Variants in AGXT2 observed in about 807,000 individuals in gnomAD.
AGXT2 encodes alanine--glyoxylate aminotransferase 2.
A neutral mutation model predicts 62.5 loss-of-function variants in AGXT2; 61 were observed. The observed-to-expected ratio is 0.98, with a 90% confidence interval of 0.79 to 1.21. AGXT2 has a LOEUF of 1.21. Among genes scored for constraint, AGXT2 ranks in the 50% most tolerant of loss-of-function variants. The probability of loss-of-function intolerance (pLI) is 0.00; values close to 1 mark genes in which losing one functional copy is unlikely to be tolerated. For synonymous variants in AGXT2, 243 were observed against 218.7 expected (o/e 1.11, Z -0.98); for missense variants, 666 against 641.5 (o/e 1.04, Z -0.41).
rs149642495 is a variant in AGXT2, at chr5:35,007,816, G to T, written c.1338+2184C>A. On this transcript the variant is annotated intron_variant, in intron 12 of 13. Transcript: ENST00000231420. ...TGTTGGAGGTGGGTCCTAAAAAGAG[G>T]TGCTTGGGTGGTGGGGGCAGATCCC... 3.5e-3 allele frequency among the ~76,000 whole-genome samples: 529 copies of T among 152,246 alleles called. 2 individuals are homozygous for T. Among genetic ancestry groups the T allele is most frequent in the Non-Finnish European group, 5.5e-3 (371 of 68,008 alleles).
At position 35,047,727 on chromosome 5, in the gene AGXT2, A is replaced by G. The variant is rs1214506893; in HGVS notation, c.88+78T>C. The G allele has an allele frequency of 2.6e-6, 4 of 1,551,128 alleles. No individual in the cohort carries two copies. The East Asian group carries it at 7.1e-5, about 28-fold the overall frequency. On this transcript the variant is annotated intron_variant, in intron 1 of 13. Transcript: ENST00000231420. ...CCCAGGTCTAACATTCCAGAATCCC[A>G]GGCAGCAGCCTTCGGAGCTCAAGTC...
In AGXT2 at chr5:34,999,076, A is replaced by AT. The variant is rs776909309; in HGVS notation, c.1438-251_1438-250insA. Among the ~76,000 whole-genome samples the AT allele has an allele frequency of 1.7e-3, 266 of 152,060 alleles. 1 individual carries two copies. The highest frequency in any genetic ancestry group is 3.4e-3 in the Middle Eastern group (1 of 294). ...TACATTTACCTCCTGGTCATTCTAC[A>AT]CCTTCACTGAAGTCTTAGGCCCCTC... On this transcript the variant is annotated intron_variant, in intron 13 of 13. Coordinates refer to ENST00000231420, the MANE Select transcript of AGXT2 (RefSeq NM_031900.4).
intron 12 of AGXT2, 54 bp from the exon 13 acceptor site, chr5:35,003,915 A>C (rs1766329490): frequency 6.4e-7 from 1 of 1,559,580 alleles, no homozygotes; most frequent in Non-Finnish European, 8.8e-7. Context: ...GGTTAAAGGA[A>C]TTATTTGCAA....
At chr5:35,035,740 G>T (rs1397705007) in intron 4 of AGXT2, among the ~76,000 whole-genome samples, 4 of 152,172 alleles carry the variant, frequency 2.6e-5, no homozygotes, top group Non-Finnish European at 5.9e-5. Flanking sequence ...CAACTCCAGG[G>T]GTTGTCCCAG....
chr5:35,045,751 CTTTTTCTTTTTTCTTTTT>C (rs761637359), intron 1 of AGXT2, among the ~76,000 whole-genome samples: 31,632 of 132,714 alleles, frequency 0.24, 3,666 homozygotes, highest in Non-Finnish European at 0.31. Context: ...TGGTTTTTTT[CTTTTTCTTTTTTCTTTTT>C]TTTTTTTTTT....
chr5:35,026,479 C>A lies in AGXT2; in HGVS notation c.801G>T (p.Glu267Asp). The A allele has an allele frequency of 1.2e-6, 2 of 1,613,864 alleles. No homozygotes were observed. The highest frequency in any genetic ancestry group is 2.2e-5 in the South Asian group (2 of 91,074). ...DCCQAKDQYI[E>D]QFKDTLSTSV... ...ATGTGCTCAGCGTATCTTTGAATTG[C>A]TCAATATACTGATCTTTAGCTTGGC... The change falls in exon 8 of 14, where the codon GAG becomes GAT. Residue 267 changes from glutamate (E) to aspartate (D), a missense_variant. Glu to Asp is a conservative substitution (Grantham distance 45). Coordinates refer to ENST00000231420, the MANE Select transcript of AGXT2 (RefSeq NM_031900.4).
In AGXT2 at chr5:35,022,490, G is replaced by A. The variant is rs553057700; in HGVS notation, c.963+3273C>T. Among the ~76,000 whole-genome samples, 39 of 148,610 alleles carry A rather than the reference G, an allele frequency of 2.6e-4. 1 individual carries two copies. The highest frequency in any genetic ancestry group is 6.2e-4 in the African/African-American group (25 of 40,248). ...TCGCAAGAACAAAAAACCAAGCACC[G>A]CATATTCTCACTCATAGGTGGGAAT... is the stretch of plus-strand genomic sequence containing the variant. On this transcript the variant is annotated intron_variant, in intron 9 of 13. Transcript: ENST00000231420.
intron 9 of AGXT2, among the ~76,000 whole-genome samples, chr5:35,025,423 T>A (rs2112241639): frequency 6.6e-6 from 1 of 152,300 alleles, no homozygotes; most frequent in East Asian, 1.9e-4. Flanking sequence ...GCTATGAGAT[T>A]AAATTTCCTA....
chr5:35,010,628 T>C (rs1317194516), intron 11 of AGXT2, among the ~76,000 whole-genome samples: 2 of 151,994 alleles, frequency 1.3e-5, no homozygotes, highest in East Asian at 3.9e-4. Context: ...GAGGTTGCAG[T>C]GAGCCAAGAT....
chr5:35,032,078 G>A (rs1275896007), intron 7 of AGXT2, among the ~76,000 whole-genome samples: 2 of 151,218 alleles, frequency 1.3e-5, no homozygotes, highest in East Asian at 2.0e-4. Context: ...TCAGCCTCCC[G>A]AGTAGCTGGG....
At chr5:35,016,375 G>T (rs946527969) in intron 9 of AGXT2, among the ~76,000 whole-genome samples, 1 of 152,188 alleles carries the variant, frequency 6.6e-6, no homozygotes, top group Non-Finnish European at 1.5e-5. Flanking sequence ...GAGGAATTTA[G>T]TTTATGGTTT....
intron 1 of AGXT2, among the ~76,000 whole-genome samples, chr5:35,045,837 C>T (rs1165817981): frequency 5.4e-5 from 8 of 148,658 alleles, no homozygotes; most frequent in African/African-American, 1.0e-4. Flanking sequence ...GCGCAATCTC[C>T]GCTCACTGCA....
At chr5:35,003,211 G>C (rs1766297894) in intron 13 of AGXT2, among the ~76,000 whole-genome samples, 1 of 152,146 alleles carries the variant, frequency 6.6e-6, no homozygotes, top group Non-Finnish European at 1.5e-5. Flanking sequence ...CACTGGCTCT[G>C]GCTGATTTTG....
intron 1 of AGXT2, among the ~76,000 whole-genome samples, chr5:35,041,434 A>G (rs1767987895): frequency 6.6e-6 from 1 of 152,096 alleles, no homozygotes; most frequent in Non-Finnish European, 1.5e-5. Context: ...AAGAACGGGA[A>G]CAAAACTCCT....
Position 35,014,126 on chromosome 5 carries a change from A to G in AGXT2, c.964-7T>C, listed in dbSNP as rs749755111. On this transcript the variant is annotated splice_polypyrimidine_tract_variant and splice_region_variant and intron_variant, in intron 9 of 13. Transcript: ENST00000231420. ...TTCCAAATCCTGTCTGCACCTGGGAAAACAAGTTCAAAACCATTGGAAACC... is the reference window on the plus strand; with the variant it reads ...TTCCAAATCCTGTCTGCACCTGGGAGAACAAGTTCAAAACCATTGGAAACC... 4 of 1,614,040 alleles carry G rather than the reference A, an allele frequency of 2.5e-6. No homozygotes were observed. The highest frequency in any genetic ancestry group is 1.6e-4 in the Middle Eastern group (1 of 6,062).
At position 34,998,308 on chromosome 5, in the gene AGXT2, G is replaced by C. The variant is rs1011463503; in HGVS notation, c.*411C>G. On this transcript the variant is annotated 3_prime_UTR_variant, in exon 14 of 14. Transcript: ENST00000231420. ...GTCATGAACATATGGTGTTCTCAGCGCAACAAGAAGACATCTCTTCTTGAA... is the reference window on the plus strand; with the variant it reads ...GTCATGAACATATGGTGTTCTCAGCCCAACAAGAAGACATCTCTTCTTGAA... The C allele has an allele frequency of 3.9e-6, 1 of 254,088 alleles. No individual in the cohort carries two copies. The highest frequency in any genetic ancestry group is 2.3e-5 in the African/African-American group (1 of 44,434). 15.7% of individuals were successfully genotyped at this position (254,088 alleles called of 1,614,324 possible).
intron 7 of AGXT2, among the ~76,000 whole-genome samples, chr5:35,029,439 G>A (rs527532941): frequency 1.9e-4 from 29 of 152,302 alleles, no homozygotes; most frequent in African/African-American, 6.0e-4. Context: ...CATGCTCAGC[G>A]ATGAGAGAGT....
At chr5:35,005,048 T>C (rs540356130) in intron 12 of AGXT2, among the ~76,000 whole-genome samples, 5 of 152,314 alleles carry the variant, frequency 3.3e-5, no homozygotes, top group East Asian at 1.9e-4. Context: ...AATCCTCTCA[T>C]TGACTTCAAA....
At chr5:35,045,037 C>T (rs1328445268) in intron 1 of AGXT2, among the ~76,000 whole-genome samples, 3 of 152,140 alleles carry the variant, frequency 2.0e-5, no homozygotes, top group Admixed American at 2.0e-4. Flanking sequence ...GGAGCACATA[C>T]CCCAGCCACC....
Sources: gnomAD v4.1 joint callset for allele counts (sites outside exome capture counted in the v4.1 genomes callset) on GRCh38, gnomAD v4.1.1 for gene constraint, MANE v1.5 for transcripts, NCBI Gene and HGNC (gene_info 2026-07-23, HGNC 2026-07-21) for gene names.